Variants in TMOD2 observed in about 807,000 individuals in gnomAD.
The protein encoded by TMOD2 is tropomodulin 2, also known as tropomodulin-2.
TMOD2 carries 22 observed loss-of-function variants against 39.9 expected under a neutral mutation model. The ratio of observed to expected loss-of-function variants is 0.55; its 90% CI spans 0.39 to 0.79. The LOEUF is 0.79. Among genes scored for constraint, TMOD2 ranks in the 30% least tolerant of loss-of-function variants. The pLI is 0.00. For synonymous variants in TMOD2, 123 were observed against 146.1 expected (o/e 0.84, Z 1.14); for missense variants, 386 against 413.3 (o/e 0.93, Z 0.57).
intron 4 of TMOD2, among the ~76,000 whole-genome samples, chr15:51,774,703 G>A (rs533242236): frequency 7.6e-4 from 115 of 152,162 alleles, no homozygotes; most frequent in African/African-American, 2.4e-3. Context: ...GAGTTGAGGC[G>A]ATGGCGTCAC....
intron 8 of TMOD2, 65 bp from the exon 9 acceptor site, chr15:51,806,312 T>C: frequency 1.9e-6 from 3 of 1,582,374 alleles, no homozygotes; most frequent in Non-Finnish European, 2.6e-6. Context: ...GTCTTTTTCC[T>C]GTGCAAGTAA....
At chr15:51,801,890 G>C (rs538580847) in intron 8 of TMOD2, among the ~76,000 whole-genome samples, 3 of 151,574 alleles carry the variant, frequency 2.0e-5, no homozygotes, top group Non-Finnish European at 4.4e-5. Context: ...CCAGGAGTTC[G>C]AGTCCAGCCT....
At position 51,814,603 on chromosome 15, in the gene TMOD2, C is replaced by T. The variant is rs1033592301; in HGVS notation, c.*6149C>T. ...TCGTCCAGCCCCACAGAGTTATGCT[C>T]CATTTGCCACCATGTGATATTTTTG... is the stretch of plus-strand genomic sequence containing the variant. On this transcript the variant is annotated 3_prime_UTR_variant, in exon 10 of 10. Coordinates refer to ENST00000249700, the MANE Select transcript of TMOD2 (RefSeq NM_014548.4). The T allele has an allele frequency of 6.6e-6, 1 of 152,182 alleles. No homozygotes were observed. Among genetic ancestry groups the T allele is most frequent in the Non-Finnish European group, 1.5e-5 (1 of 68,052 alleles). 9.4% of individuals were successfully genotyped at this position (152,182 alleles called of 1,614,324 possible).
At chr15:51,774,358 C>A (rs546392032) in intron 4 of TMOD2, among the ~76,000 whole-genome samples, 3 of 152,280 alleles carry the variant, frequency 2.0e-5, no homozygotes, top group South Asian at 2.1e-4. Flanking sequence ...GTAAGTCTCT[C>A]GACCTGAATT....
At chr15:51,762,970 C>G (rs2055791551) in intron 1 of TMOD2, among the ~76,000 whole-genome samples, 1 of 152,042 alleles carries the variant, frequency 6.6e-6, no homozygotes, top group African/African-American at 2.4e-5. Context: ...GGGTCTTATT[C>G]TGTTGCCCAG....
intron 1 of TMOD2, chr15:51,752,972 A>C (rs1374243635): frequency 6.6e-6 from 1 of 152,212 alleles, no homozygotes; most frequent in Non-Finnish European, 1.5e-5. Flanking sequence ...AGGTGAAGTG[A>C]TGGGATCAGC....
intron 7 of TMOD2, among the ~76,000 whole-genome samples, chr15:51,794,512 C>T (rs1280970736): frequency 3.3e-5 from 5 of 151,922 alleles, no homozygotes; most frequent in African/African-American, 1.2e-4. Flanking sequence ...GCCAGGAGTT[C>T]GAGACCAGCC....
intron 8 of TMOD2, among the ~76,000 whole-genome samples, chr15:51,799,040 G>A (rs897631558): frequency 1.3e-5 from 2 of 152,154 alleles, no homozygotes; most frequent in Non-Finnish European, 2.9e-5. Flanking sequence ...TTTTCCCAGC[G>A]TCAGCCTGCA....
At chr15:51,806,132 A>G (rs2056119909) in intron 8 of TMOD2, among the ~76,000 whole-genome samples, 1 of 152,160 alleles carries the variant, frequency 6.6e-6, no homozygotes, top group South Asian at 2.1e-4. Flanking sequence ...CAATTTGCTT[A>G]GTTTTTTTCA....
chr15:51,775,476 G>C (rs979911913), intron 4 of TMOD2, among the ~76,000 whole-genome samples: 5 of 151,514 alleles, frequency 3.3e-5, no homozygotes, highest in Non-Finnish European at 7.4e-5. Context: ...AGAGCAAGAA[G>C]ATATGTTTGT....
intron 6 of TMOD2, 37 bp from the exon 7 acceptor site, chr15:51,782,684 A>G (rs781417271): frequency 1.3e-6 from 2 of 1,531,960 alleles, no homozygotes; most frequent in Non-Finnish European, 9.0e-7. Context: ...TGTGCCATAC[A>G]ATGGTTCATC....
intron 7 of TMOD2, among the ~76,000 whole-genome samples, chr15:51,797,881 CAAAA>C (rs199742341): frequency 5.6e-5 from 6 of 106,632 alleles, no homozygotes; most frequent in African/African-American, 2.1e-4. Flanking sequence ...TGTGTTTTCT[CAAAA>C]AAAAAAAAAC....
chr15:51,759,961 C>A (rs74015768), intron 1 of TMOD2, among the ~76,000 whole-genome samples: 3 of 152,186 alleles, frequency 2.0e-5, no homozygotes, highest in African/African-American at 7.2e-5. Flanking sequence ...CAATCTCCCC[C>A]TCCCCTGCTC....
intron 9 of TMOD2, 138 bp downstream of exon 9, chr15:51,806,659 A>C: frequency 1.1e-6 from 1 of 936,208 alleles, no homozygotes; most frequent in Admixed American, 2.5e-5. Flanking sequence ...ACGCATTATT[A>C]TAATACATGG....
intron 1 of TMOD2, among the ~76,000 whole-genome samples, chr15:51,759,326 G>A (rs1283896363): frequency 1.3e-5 from 2 of 152,154 alleles, no homozygotes; most frequent in South Asian, 2.1e-4. Flanking sequence ...TGTGAATTAG[G>A]CAGATGGAAA....
rs2056177290 is a variant in TMOD2 at position 51,814,683 on chromosome 15, A to G, written c.*6229A>G. The G allele has an allele frequency of 6.6e-6, 1 of 152,216 alleles. No homozygotes were observed. The highest frequency in any genetic ancestry group is 2.4e-5 in the African/African-American group (1 of 41,456). The allele number at this position is 152,216 out of a possible 1,614,324, so 9.4% of individuals were successfully genotyped here. A position where few individuals can be genotyped will look rare whatever the true frequency, so the allele number is the denominator to read the frequency against. On this transcript the variant is annotated 3_prime_UTR_variant, in exon 10 of 10. Transcript: ENST00000249700. ...TATGTGACTTTGGGCAAGACTCTCC[A>G]TCTATCTTGTCTTCATTTCATCTGT...
rs555316850 is a variant in TMOD2 at position 51,808,221 on chromosome 15, A to G, written c.1022-199A>G. 7.9e-5 allele frequency among the ~76,000 whole-genome samples: 12 copies of G among 152,278 alleles called. No individual in the cohort carries two copies. The South Asian group carries it at 2.5e-3, about 32-fold the overall frequency. On this transcript the variant is annotated intron_variant, in intron 9 of 9. Coordinates refer to ENST00000249700, the MANE Select transcript of TMOD2 (RefSeq NM_014548.4). ...ACTCGAGTACCCAACTATCAGACATATATGTATTTAAATGTAAATTCCACC... is the reference window on the plus strand; with the variant it reads ...ACTCGAGTACCCAACTATCAGACATGTATGTATTTAAATGTAAATTCCACC...
At chr15:51,762,680 C>T (rs1436688402) in intron 1 of TMOD2, among the ~76,000 whole-genome samples, 1 of 152,154 alleles carries the variant, frequency 6.6e-6, no homozygotes, top group African/African-American at 2.4e-5. Context: ...CCCCATGCCC[C>T]TATGTCATTC....
intron 2 of TMOD2, 101 bp from the exon 3 acceptor site, chr15:51,768,161 T>C (rs2055828426): frequency 5.0e-6 from 7 of 1,403,360 alleles, no homozygotes; most frequent in Non-Finnish European, 3.0e-6. Context: ...GTAGGTATCC[T>C]TCCTGCTTCC....
Sources: allele counts gnomAD v4.1 joint callset (sites outside exome capture counted in the v4.1 genomes callset), GRCh38; gene constraint gnomAD v4.1.1; transcripts MANE v1.5; gene names NCBI Gene and HGNC (gene_info 2026-07-23, HGNC 2026-07-21).